The following ZNF521 variants were observed in gnomAD, a reference collection of about 807,000 sequenced individuals.
The protein encoded by ZNF521 is zinc finger protein 521, also known as LYST-interacting protein 3.
A neutral mutation model predicts 105.5 loss-of-function variants in ZNF521; 14 were observed. That is an observed-to-expected ratio of 0.13 (90% CI 0.09 to 0.21). ZNF521 has a LOEUF of 0.21. Ranked by LOEUF, ZNF521 falls within the 10% of genes least tolerant of loss-of-function variation. ZNF521 has a pLI of 1.00. For synonymous variants in ZNF521, 635 were observed against 606.0 expected (o/e 1.05, Z -0.70); for missense variants, 1,233 against 1,629.7 (o/e 0.76, Z 4.19).
At chr18:25,278,250 G>A (rs761917911) in intron 3 of ZNF521, among the ~76,000 whole-genome samples, 3 of 152,012 alleles carry the variant, frequency 2.0e-5, no homozygotes, top group Non-Finnish European at 4.4e-5. Context: ...GTCCTCTACC[G>A]AGAATCCAAT....
At chr18:25,140,071 T>TA (rs2034817642) in intron 5 of ZNF521, among the ~76,000 whole-genome samples, 1 of 152,176 alleles carries the variant, frequency 6.6e-6, no homozygotes, top group African/African-American at 2.4e-5. Context: ...TATAAGCCCC[T>TA]AGTTTATGGT....
At chr18:25,097,726 A>G (rs1200390827) in intron 5 of ZNF521, among the ~76,000 whole-genome samples, 1 of 152,166 alleles carries the variant, frequency 6.6e-6, no homozygotes, top group African/African-American at 2.4e-5. Flanking sequence ...GAGCCGCAGG[A>G]TACACATCCT....
At chr18:25,122,740 T>C (rs559551502) in intron 5 of ZNF521, among the ~76,000 whole-genome samples, 1 of 152,230 alleles carries the variant, frequency 6.6e-6, no homozygotes, top group East Asian at 1.9e-4. Flanking sequence ...AGAAAAGAAA[T>C]AAATTTTGGT....
chr18:25,135,379 C>T (rs1296734385), intron 5 of ZNF521, among the ~76,000 whole-genome samples: 2 of 150,200 alleles, frequency 1.3e-5, no homozygotes, highest in Admixed American at 6.7e-5. Flanking sequence ...GCTTGTTTTC[C>T]TTCTCTGGCC....
At chr18:25,140,126 A>G (rs2034819081) in intron 5 of ZNF521, among the ~76,000 whole-genome samples, 1 of 152,194 alleles carries the variant, frequency 6.6e-6, no homozygotes, top group Non-Finnish European at 1.5e-5. Context: ...AAAGGAGACC[A>G]TGGTATCAAC....
At chr18:25,184,653 C>T (rs2035690073) in intron 5 of ZNF521, among the ~76,000 whole-genome samples, 1 of 152,192 alleles carries the variant, frequency 6.6e-6, no homozygotes, top group South Asian at 2.1e-4. Context: ...TAGCGTGGGA[C>T]TGGCGTCACC....
intron 7 of ZNF521, among the ~76,000 whole-genome samples, chr18:25,076,159 T>G (rs955108478): frequency 6.6e-6 from 1 of 152,206 alleles, no homozygotes; most frequent in African/African-American, 2.4e-5. Flanking sequence ...AGATTTTGCT[T>G]CAGAGAACAC....
chr18:25,198,183 G>C (rs2035934259), intron 4 of ZNF521, among the ~76,000 whole-genome samples: 1 of 151,470 alleles, frequency 6.6e-6, no homozygotes, highest in African/African-American at 2.4e-5. Flanking sequence ...GTCATTTCCT[G>C]ATTGTTCTCT....
rs1427284590 is a variant in ZNF521, at chr18:25,062,271, A to G, written c.*441T>C. 4.4e-6 allele frequency: 1 copy of G among 226,946 alleles called. No homozygotes were observed. The highest frequency in any genetic ancestry group is 7.0e-5 in the East Asian group (1 of 14,354). 14.1% of individuals were successfully genotyped at this position (226,946 alleles called of 1,614,324 possible). On this transcript the variant is annotated 3_prime_UTR_variant, in exon 8 of 8. Transcript: ENST00000361524. ...TTGCAAGAATCTTCAGCAATAAAAA[A>G]TAGTCTTGGATTTAAGCGCTGATAT...
At chr18:25,332,570 T>C (rs547058879) in intron 2 of ZNF521, among the ~76,000 whole-genome samples, 1 of 152,166 alleles carries the variant, frequency 6.6e-6, no homozygotes, top group Non-Finnish European at 1.5e-5. Flanking sequence ...TAGATCATTA[T>C]TGATTTAGTT....
chr18:25,225,269 C>T lies in ZNF521; in HGVS notation c.2649G>A (p.Glu883=), dbSNP rs1160027077. The part of the protein sequence containing the change: ...DGSEEDVDTS[E]PMYGCDICGA... ...CACAAATGTCGCAGCCGTACATAGG[C>T]TCAGAGGTGTCAACGTCTTCTTCGC... Residue 883 remains glutamate (E), a synonymous_variant, in exon 4 of 8, where the codon GAG becomes GAA. Transcript: ENST00000361524. The surrounding 1 kb of genome is among the most constrained non-coding windows in gnomAD (Gnocchi z 5.6). 3.1e-6 allele frequency: 5 copies of T among 1,614,158 alleles called. No homozygotes were observed. The highest frequency in any genetic ancestry group is 2.2e-5 in the East Asian group (1 of 44,876).
At chr18:25,288,762 A>G (rs904755336) in intron 3 of ZNF521, among the ~76,000 whole-genome samples, 2 of 152,192 alleles carry the variant, frequency 1.3e-5, no homozygotes, top group African/African-American at 2.4e-5. Context: ...TCCTAGGTAC[A>G]ATAACTGTCA....
chr18:25,319,289 A>G lies in ZNF521; in HGVS notation c.220+2719T>C, dbSNP rs1265088380. Among the ~76,000 whole-genome samples the G allele has an allele frequency of 5.9e-5, 9 of 152,332 alleles. No homozygotes were observed. The East Asian group carries it at 1.7e-3, about 29-fold the overall frequency. ...CAAATAGATAAATTATGAACTTGCA[A>G]TAGACATAAAAACAGTGAGCATGGC... On this transcript the variant is annotated intron_variant, in intron 3 of 7. Transcript: ENST00000361524.
chr18:25,293,625 T>C (rs1199204862), intron 3 of ZNF521, among the ~76,000 whole-genome samples: 1 of 152,358 alleles, frequency 6.6e-6, no homozygotes, highest in East Asian at 1.9e-4. Flanking sequence ...TTGGAGATTT[T>C]ATGCTCTACT....
intron 3 of ZNF521, among the ~76,000 whole-genome samples, chr18:25,263,784 A>T (rs951244057): frequency 1.3e-5 from 2 of 152,010 alleles, no homozygotes; most frequent in African/African-American, 2.4e-5. Context: ...CACCGTGTTA[A>T]CCAGGGTGGT....
chr18:25,212,683 AC>A (rs1420904391), intron 4 of ZNF521, among the ~76,000 whole-genome samples: 2 of 150,256 alleles, frequency 1.3e-5, no homozygotes, highest in Non-Finnish European at 3.0e-5. Context: ...TATAACTTCC[AC>A]GAACAAGTTA....
intron 5 of ZNF521, among the ~76,000 whole-genome samples, chr18:25,113,221 T>C (rs1335103351): frequency 6.6e-6 from 1 of 152,096 alleles, no homozygotes; most frequent in Non-Finnish European, 1.5e-5. Context: ...TCCCAAGTTT[T>C]CCTCAGGCTG....
At chr18:25,111,042 C>T (rs1036062774) in intron 5 of ZNF521, among the ~76,000 whole-genome samples, 1 of 152,012 alleles carries the variant, frequency 6.6e-6, no homozygotes, top group East Asian at 1.9e-4. Context: ...GAATTACAGG[C>T]GTGAGCCACC....
intron 5 of ZNF521, among the ~76,000 whole-genome samples, chr18:25,168,482 G>A (rs1316511881): frequency 6.6e-6 from 1 of 152,100 alleles, no homozygotes; most frequent in Non-Finnish European, 1.5e-5. Flanking sequence ...AAGGTGTAGT[G>A]TGCACCCGGT....
Sources: gnomAD v4.1 joint callset for allele counts (sites outside exome capture counted in the v4.1 genomes callset) on GRCh38, gnomAD v4.1.1 for gene constraint, Gnocchi (gnomAD v3.1) non-coding constraint, MANE v1.5 for transcripts, NCBI Gene and HGNC (gene_info 2026-07-23, HGNC 2026-07-21) for gene names.